Variants in GRM5 observed in about 807,000 individuals in gnomAD.
The protein encoded by GRM5 is metabotropic glutamate receptor 5.
A neutral mutation model predicts 83.1 loss-of-function variants in GRM5; 19 were observed. That is an observed-to-expected ratio of 0.23 (90% CI 0.16 to 0.34). The LOEUF (loss-of-function observed/expected upper bound fraction) is 0.34, where lower values mean the gene tolerates loss of function less well. GRM5 is among the 10% of genes least tolerant of loss of function. The pLI is 1.00. For missense variants in GRM5, 1,160 were observed against 1,588.3 expected (o/e 0.73, Z 4.58); for synonymous variants, 675 against 633.6 (o/e 1.07, Z -0.98).
At chr11:88,700,530 T>A (rs1941006812) in intron 3 of GRM5, among the ~76,000 whole-genome samples, 1 of 152,142 alleles carries the variant, frequency 6.6e-6, no homozygotes, top group Non-Finnish European at 1.5e-5. Flanking sequence ...GAATGTTGTC[T>A]GCATTGTACT....
chr11:88,975,473 T>A (rs1301955052), intron 2 of GRM5, among the ~76,000 whole-genome samples: 2 of 152,192 alleles, frequency 1.3e-5, no homozygotes, highest in African/African-American at 2.4e-5. Context: ...CCAGGGAGTT[T>A]GAATTTCTAA....
chr11:88,585,161 T>C (rs1263812469), intron 7 of GRM5, among the ~76,000 whole-genome samples: 1 of 152,208 alleles, frequency 6.6e-6, no homozygotes, highest in East Asian at 1.9e-4. Context: ...CTATCTTCTT[T>C]CTCTACAACT....
At chr11:88,884,858 C>T (rs1190413062) in intron 2 of GRM5, among the ~76,000 whole-genome samples, 1 of 152,122 alleles carries the variant, frequency 6.6e-6, no homozygotes, top group Non-Finnish European at 1.5e-5. Flanking sequence ...ATTCTGAGGC[C>T]TCCCCAGCCA....
At chr11:88,669,778 G>T (rs1389278484) in intron 3 of GRM5, among the ~76,000 whole-genome samples, 1 of 151,998 alleles carries the variant, frequency 6.6e-6, no homozygotes, top group Non-Finnish European at 1.5e-5. Flanking sequence ...AATTATGGGA[G>T]ATTTTACTTG....
intron 3 of GRM5, among the ~76,000 whole-genome samples, chr11:88,658,394 C>T (rs945854044): frequency 2.0e-5 from 3 of 152,108 alleles, no homozygotes; most frequent in Admixed American, 1.3e-4. Context: ...CTGAATGGGA[C>T]AGGCATCCAT....
chr11:88,961,719 TA>T (rs1938789152), intron 2 of GRM5, among the ~76,000 whole-genome samples: 1 of 152,222 alleles, frequency 6.6e-6, no homozygotes, highest in African/African-American at 2.4e-5. Context: ...AATTTTATCA[TA>T]AATTTGTCAT....
At chr11:88,579,371 C>T (rs537811019) in intron 7 of GRM5, among the ~76,000 whole-genome samples, 2 of 152,172 alleles carry the variant, frequency 1.3e-5, no homozygotes, top group East Asian at 3.9e-4. Context: ...TATATCCTAG[C>T]TGAAGGATCA....
At chr11:88,667,709 T>C (rs1002368359) in intron 3 of GRM5, among the ~76,000 whole-genome samples, 1 of 151,950 alleles carries the variant, frequency 6.6e-6, no homozygotes. Context: ...CTGGCCAATA[T>C]GGTGAAACAC....
chr11:88,926,241 A>G (rs1007790189), intron 2 of GRM5, among the ~76,000 whole-genome samples: 1 of 152,186 alleles, frequency 6.6e-6, no homozygotes, highest in African/African-American at 2.4e-5. Context: ...AAAATCAAAA[A>G]CCAGGCTGAC....
intron 2 of GRM5, among the ~76,000 whole-genome samples, chr11:89,032,102 C>G (rs779427242): frequency 2.6e-5 from 4 of 151,722 alleles, no homozygotes; most frequent in Non-Finnish European, 5.9e-5. Context: ...TTTTCTGTGA[C>G]TTGGTTTAAA....
intron 2 of GRM5, among the ~76,000 whole-genome samples, chr11:88,985,789 T>C (rs1306461292): frequency 1.4e-4 from 22 of 152,116 alleles, no homozygotes; most frequent in Admixed American, 4.6e-4. Context: ...CATCAATCTA[T>C]GTCAAATAGG....
intron 3 of GRM5, among the ~76,000 whole-genome samples, chr11:88,832,229 A>G (rs1290914421): frequency 6.6e-6 from 1 of 152,254 alleles, no homozygotes; most frequent in East Asian, 1.9e-4. Flanking sequence ...AGAAGAATTT[A>G]AAGACTATAC....
intron 3 of GRM5, among the ~76,000 whole-genome samples, chr11:88,792,179 C>T (rs1565232829): frequency 2.6e-5 from 4 of 152,054 alleles, no homozygotes; most frequent in Non-Finnish European, 5.9e-5. Flanking sequence ...GGGCTTTACA[C>T]TAAAATCAAT....
chr11:88,574,287 A>G (rs1943060668), intron 7 of GRM5, among the ~76,000 whole-genome samples: 1 of 152,198 alleles, frequency 6.6e-6, no homozygotes, highest in South Asian at 2.1e-4. Flanking sequence ...GTCATTCTCA[A>G]AAAACTTTTG....
intron 8 of GRM5, among the ~76,000 whole-genome samples, chr11:88,549,719 A>G (rs1942461766): frequency 6.6e-6 from 1 of 152,008 alleles, no homozygotes; most frequent in Non-Finnish European, 1.5e-5. Flanking sequence ...GCTGGATCCA[A>G]GGTTGGGAAG....
intron 3 of GRM5, among the ~76,000 whole-genome samples, chr11:88,833,007 C>A (rs2135521825): frequency 6.6e-6 from 1 of 151,962 alleles, no homozygotes; most frequent in Admixed American, 6.6e-5. Context: ...AACTATAAAA[C>A]TACTAAAAGA....
chr11:88,580,783 T>C (rs916544036), intron 7 of GRM5, among the ~76,000 whole-genome samples: 1 of 152,354 alleles, frequency 6.6e-6, no homozygotes, highest in African/African-American at 2.4e-5. Context: ...CTCTCTGCCA[T>C]TGATTGTGCT....
chr11:88,941,717 A>G (rs1219825693), intron 2 of GRM5, among the ~76,000 whole-genome samples: 1 of 152,058 alleles, frequency 6.6e-6, no homozygotes, highest in Non-Finnish European at 1.5e-5. Flanking sequence ...TTAATTTTAC[A>G]AAGTTTAAAA....
intron 2 of GRM5, among the ~76,000 whole-genome samples, chr11:88,962,393 C>CAACT (rs1208437232): frequency 6.6e-6 from 1 of 152,198 alleles, no homozygotes; most frequent in Non-Finnish European, 1.5e-5. Context: ...TTCATGCATT[C>CAACT]AACTAACCAT....
Sources: gnomAD v4.1 joint callset for allele counts (sites outside exome capture counted in the v4.1 genomes callset) on GRCh38, gnomAD v4.1.1 for gene constraint, MANE v1.5 for transcripts, NCBI Gene and HGNC (gene_info 2026-07-23, HGNC 2026-07-21) for gene names.